Variants in KANK1 observed in about 807,000 individuals in gnomAD.
KANK1 encodes KN motif and ankyrin repeat domain-containing protein 1.
In KANK1, 109 loss-of-function variants were observed where a neutral mutation model predicts 106.2. That is an observed-to-expected ratio of 1.03 (90% CI 0.88 to 1.20). The LOEUF is 1.20. KANK1 is among the 50% of genes most tolerant of loss of function. KANK1 has a pLI of 0.00. For synonymous variants in KANK1, 873 were observed against 652.2 expected (o/e 1.34, Z -5.16); for missense variants, 2,399 against 1,710.7 (o/e 1.40, Z -7.10).
chr9:514,012 G>A (rs183251407), intron 1 of KANK1, among the ~76,000 whole-genome samples: 37 of 135,188 alleles, frequency 2.7e-4, no homozygotes, highest in African/African-American at 1.3e-3. Flanking sequence ...GCGAGACTCC[G>A]TCTCGAACAA....
chr9:524,706 C>T (rs915816703), intron 1 of KANK1, among the ~76,000 whole-genome samples: 4 of 151,438 alleles, frequency 2.6e-5, no homozygotes, highest in African/African-American at 4.9e-5. Flanking sequence ...TTAATAGAGA[C>T]GGCATTTCAC....
intron 1 of KANK1, among the ~76,000 whole-genome samples, chr9:546,288 T>C (rs1479866652): frequency 1.3e-5 from 2 of 152,004 alleles, no homozygotes; most frequent in Non-Finnish European, 2.9e-5. Flanking sequence ...AATTTATGAT[T>C]GTTATAGCTG....
At chr9:722,426 T>C (rs538527111) in intron 3 of KANK1, among the ~76,000 whole-genome samples, 15 of 152,264 alleles carry the variant, frequency 9.9e-5, no homozygotes, top group Admixed American at 7.8e-4. Flanking sequence ...CACCCTCGAT[T>C]CAGGTGATTC....
At chr9:550,428 A>G (rs547029070) in intron 1 of KANK1, among the ~76,000 whole-genome samples, 2 of 152,346 alleles carry the variant, frequency 1.3e-5, no homozygotes, top group Admixed American at 6.5e-5. Context: ...TGAGCTAAAC[A>G]GCAAGAACAG....
At chr9:625,093 A>C (rs1235244847) in intron 1 of KANK1, among the ~76,000 whole-genome samples, 2 of 152,202 alleles carry the variant, frequency 1.3e-5, no homozygotes, top group Non-Finnish European at 2.9e-5. Context: ...TACAGCAGTT[A>C]GCACCGTTAG....
At chr9:485,869 C>CAAA (rs58910749) in intron 3 of KANK1, among the ~76,000 whole-genome samples, 5 of 98,310 alleles carry the variant, frequency 5.1e-5, no homozygotes, top group Middle Eastern at 6.1e-3. Context: ...AGAATTGTCT[C>CAAA]AAAAAAAAAA....
intron 1 of KANK1, among the ~76,000 whole-genome samples, chr9:557,534 G>T (rs77679581): frequency 6.6e-6 from 1 of 152,214 alleles, no homozygotes; most frequent in Non-Finnish European, 1.5e-5. Flanking sequence ...TCATCCTGGA[G>T]TTTAAGGCAG....
At chr9:570,388 C>A (rs1397581388) in intron 1 of KANK1, among the ~76,000 whole-genome samples, 1 of 152,196 alleles carries the variant, frequency 6.6e-6, no homozygotes, top group African/African-American at 2.4e-5. Flanking sequence ...GCACTGATGG[C>A]TGCACTGTTG....
chr9:741,902 A>T (rs1589361283), intron 9 of KANK1, among the ~76,000 whole-genome samples: 1 of 151,972 alleles, frequency 6.6e-6, no homozygotes, highest in Non-Finnish European at 1.5e-5. Context: ...TACAGGCGTG[A>T]CCCACCACTC....
intron 10 of KANK1, among the ~76,000 whole-genome samples, chr9:743,304 G>T (rs1395211483): frequency 1.3e-5 from 2 of 152,190 alleles, no homozygotes; most frequent in Non-Finnish European, 2.9e-5. Context: ...TTTTTCACTG[G>T]TATGAGGGAC....
At chr9:703,333 G>A (rs1823171874) in intron 2 of KANK1, among the ~76,000 whole-genome samples, 2 of 152,010 alleles carry the variant, frequency 1.3e-5, no homozygotes, top group East Asian at 3.9e-4. Context: ...CTCAATTAGT[G>A]TTAAGGGTGT....
At chr9:682,075 C>T (rs776276885) in intron 2 of KANK1, among the ~76,000 whole-genome samples, 69 of 151,888 alleles carry the variant, frequency 4.5e-4, no homozygotes, top group South Asian at 2.1e-3. Context: ...AGGTCAGGAG[C>T]TCGAGACCAG....
chr9:729,584 G>C (rs537129934), intron 3 of KANK1, among the ~76,000 whole-genome samples: 51 of 152,274 alleles, frequency 3.3e-4, no homozygotes, highest in African/African-American at 1.4e-4. Flanking sequence ...GAAGTTGCGG[G>C]GGTCAGCCAG....
intron 1 of KANK1, among the ~76,000 whole-genome samples, chr9:514,210 C>CCCTCCCTCCCTT (rs1473414913): frequency 1.2e-5 from 1 of 86,886 alleles, no homozygotes; most frequent in Non-Finnish European, 2.0e-5. Context: ...CTCCCTCTCT[C>CCCTCCCTCCCTT]CCTCCCTCCC....
At chr9:613,268 A>G (rs908296693) in intron 1 of KANK1, among the ~76,000 whole-genome samples, 5 of 150,936 alleles carry the variant, frequency 3.3e-5, no homozygotes, top group Admixed American at 6.7e-5. Context: ...TAGTCACCAT[A>G]TAGGGACAAG....
At chr9:707,254 G>T in intron 2 of KANK1, 1 of 985,192 alleles carries the variant, frequency 1.0e-6, no homozygotes, top group South Asian at 4.6e-5. Flanking sequence ...CGTGGTAGGT[G>T]AGCTGCGAGC....
chr9:739,851 G>A (rs7848729), intron 8 of KANK1, among the ~76,000 whole-genome samples: 42,226 of 150,308 alleles, frequency 0.28, 6,612 homozygotes, highest in Non-Finnish European at 0.37. Flanking sequence ...ATGCAGAGCA[G>A]AGTCCGCAAA....
chr9:682,191 A>G (rs9407357), intron 2 of KANK1, among the ~76,000 whole-genome samples: 27,795 of 151,742 alleles, frequency 0.18, 2,974 homozygotes, highest in East Asian at 0.32. Context: ...GAGGCAGGAG[A>G]ATTGCTTGAA....
intron 1 of KANK1, among the ~76,000 whole-genome samples, chr9:520,669 A>C (rs183107980): frequency 2.0e-5 from 3 of 151,802 alleles, no homozygotes; most frequent in Admixed American, 2.0e-4. Context: ...TTAAATCTGC[A>C]CTTTGGGTTT....
Sources: gnomAD v4.1 joint callset for allele counts (sites outside exome capture counted in the v4.1 genomes callset) on GRCh38, gnomAD v4.1.1 for gene constraint, MANE v1.5 for transcripts, NCBI Gene and HGNC (gene_info 2026-07-23, HGNC 2026-07-21) for gene names.